THBS1: variants seen among roughly 807,000 people sequenced by gnomAD.
The protein encoded by THBS1 is thrombospondin-1.
THBS1 carries 29 observed loss-of-function variants against 126.1 expected under a neutral mutation model. The ratio of observed to expected loss-of-function variants is 0.23; its 90% CI spans 0.17 to 0.31. THBS1 has a LOEUF of 0.31. THBS1 is among the 10% of genes least tolerant of loss of function. The pLI is 1.00. For missense variants in THBS1, 1,198 were observed against 1,545.2 expected (o/e 0.78, Z 3.77); for synonymous variants, 496 against 577.8 (o/e 0.86, Z 2.03).
rs774236342 is a variant in THBS1, at chr15:39,594,450, A to G, written c.3505+10A>G. On this transcript the variant is annotated intron_variant, in intron 21 of 21. Transcript: ENST00000260356. The surrounding 1 kb of genome is among the most constrained non-coding windows in gnomAD (Gnocchi z 4.4). ...AAATACGAATGTAGAGGTAAGAGCA[A>G]CATCACCATGAATGTACACTGGACA... 16 of 1,613,326 alleles carry G rather than the reference A, an allele frequency of 9.9e-6. No homozygotes were observed. The highest frequency in any genetic ancestry group is 1.4e-5 in the Non-Finnish European group (16 of 1,179,696).
chr15:39,587,894 C>T, intron 8 of THBS1, 148 bp from the exon 9 acceptor site: 1 of 716,310 alleles, frequency 1.4e-6, no homozygotes. Context: ...GACATTTGGG[C>T]ATGTGGCCAG....
At chr15:39,583,834 G>A in intron 4 of THBS1, 142 bp downstream of exon 4, 1 of 1,185,910 alleles carries the variant, frequency 8.4e-7, no homozygotes, top group South Asian at 1.4e-5. Flanking sequence ...GACTCCAAGG[G>A]GTATTATACA....
rs1348104956 is a variant in THBS1, at chr15:39,595,780, C to T, written c.*411C>T. 3 of 466,332 alleles carry T rather than the reference C, an allele frequency of 6.4e-6. No homozygotes were observed. The highest frequency in any genetic ancestry group is 1.3e-4 in the East Asian group (2 of 14,978). The allele number at this position is 466,332 out of a possible 1,614,324, so 28.9% of individuals were successfully genotyped here. ...GACTCACTAGAATTAGCAAACAAAA[C>T]CACCCTGACATCCTCCTTCAGGAAC... On this transcript the variant is annotated 3_prime_UTR_variant, in exon 22 of 22. Transcript: ENST00000260356.
chr15:39,593,154 C>A lies in THBS1; in HGVS notation c.2922C>A (p.Asp974Glu). 2.5e-6 allele frequency: 4 copies of A among 1,606,028 alleles called. No individual in the cohort carries two copies. The highest frequency in any genetic ancestry group is 3.4e-6 in the Non-Finnish European group (4 of 1,176,928). ...ACCCCAAAGGGACATCCCAAAATGACCCTAACTGGGTTGTACGCCATCAGG... is the reference window on the plus strand; with the variant it reads ...ACCCCAAAGGGACATCCCAAAATGAACCTAACTGGGTTGTACGCCATCAGG... ...PLDPKGTSQN[D>E]PNWVVRHQGK... Residue 974 changes from aspartate (D) to glutamate (E), a missense_variant, in exon 18 of 22, where the codon GAC becomes GAA. Asp to Glu is a conservative substitution (Grantham distance 45, BLOSUM62 2). This residue lies in a region of THBS1 where 255 missense variants were observed against 373.9 expected (regional missense o/e 0.68). Transcript: ENST00000260356. The surrounding 1 kb of genome is among the most constrained non-coding windows in gnomAD (Gnocchi z 5.9).
chr15:39,585,857 C>T (rs1020298341), intron 7 of THBS1, among the ~76,000 whole-genome samples: 1 of 152,206 alleles, frequency 6.6e-6, no homozygotes, highest in Non-Finnish European at 1.5e-5. Context: ...GTGGCAGCAA[C>T]AGCTCTAAGT....
At position 39,593,579 on chromosome 15, in the gene THBS1, G is replaced by T; in HGVS notation, c.3178G>T (p.Gly1060Cys). The T allele has an allele frequency of 6.2e-7, 1 of 1,614,186 alleles. No individual in the cohort carries two copies. Among genetic ancestry groups the T allele is most frequent in the Non-Finnish European group, 8.5e-7 (1 of 1,180,024 alleles). ...CCCCACGAGGGCTCAGGGATACTCGGGCCTTTCTGTGAAAGTTGTAAACTC... is the reference window on the plus strand; with the variant it reads ...CCCCACGAGGGCTCAGGGATACTCGTGCCTTTCTGTGAAAGTTGTAAACTC... The part of the protein sequence containing the change: ...TNPTRAQGYS[G>C]LSVKVVNSTT... Residue 1060 changes from glycine (G) to cysteine (C), a missense_variant, in exon 19 of 22, where the codon GGC becomes TGC. By Grantham distance (159) the Gly-to-Cys change is radical. Transcript: ENST00000260356. The surrounding 1 kb of genome is among the most constrained non-coding windows in gnomAD (Gnocchi z 5.9).
Position 39,593,265 on chromosome 15 carries a change from A to G in THBS1, c.2995+38A>G, listed in dbSNP as rs766266519. The G allele has an allele frequency of 6.2e-7, 1 of 1,610,716 alleles. No individual in the cohort carries two copies. Among genetic ancestry groups the G allele is most frequent in the African/African-American group, 1.3e-5 (1 of 74,974 alleles). On this transcript the variant is annotated intron_variant, in intron 18 of 21. Transcript: ENST00000260356. This position sits in a 1 kb window ranked among gnomAD's most constrained non-coding sequence, Gnocchi z 5.9. ...TTCTTAGATCCTAAGAGACTGATGC[A>G]TACATGGGGAAAAACAAATATAAAA...
rs754855572 is a variant in THBS1, at chr15:39,588,726, G to A, written c.1645+27G>A. ...TGAGCCACGCAGCCCAGGATGAAAC[G>A]ACCCAGGAGCTTTGCTCTTTTACTG... is the stretch of plus-strand genomic sequence containing the variant. On this transcript the variant is annotated intron_variant, in intron 10 of 21. Coordinates refer to ENST00000260356, the MANE Select transcript of THBS1 (RefSeq NM_003246.4). The A allele has an allele frequency of 5.6e-5, 87 of 1,551,926 alleles. No individual in the cohort carries two copies. The Admixed American group carries it at 9.7e-4, about 17-fold the overall frequency.
In THBS1 at chr15:39,589,396, G is replaced by A; in HGVS notation, c.1926+42G>A. 1 of 1,603,974 alleles carries A rather than the reference G, an allele frequency of 6.2e-7. No individual in the cohort carries two copies. The highest frequency in any genetic ancestry group is 8.5e-7 in the Non-Finnish European group (1 of 1,174,562). On this transcript the variant is annotated intron_variant, in intron 12 of 21. Transcript: ENST00000260356. The surrounding 1 kb of genome is among the most constrained non-coding windows in gnomAD (Gnocchi z 4.7). ...GAGTAAACCAGAGGACAGGAGAGCT[G>A]TCCTTGACCAAAATAACTGGGAGCG...
chr15:39,592,973 G>A lies in THBS1; in HGVS notation c.2768-27G>A. ...AATAATAATAGCACTTTAGAATTTT[G>A]CTGAACTCTTGCTTTTTTGACCTCA... is the stretch of plus-strand genomic sequence containing the variant. On this transcript the variant is annotated intron_variant, in intron 17 of 21. Coordinates refer to ENST00000260356, the MANE Select transcript of THBS1 (RefSeq NM_003246.4). The surrounding 1 kb of genome is among the most constrained non-coding windows in gnomAD (Gnocchi z 4.3). The A allele has an allele frequency of 6.2e-7, 1 of 1,608,792 alleles. No individual in the cohort carries two copies. The highest frequency in any genetic ancestry group is 8.5e-7 in the Non-Finnish European group (1 of 1,177,648).
Position 39,581,891 on chromosome 15 carries a change from C to T in THBS1, c.34C>T (p.Leu12=), listed in dbSNP as rs35248254. The T allele has an allele frequency of 2.3e-3, 3,760 of 1,614,090 alleles. 74 individuals are homozygous for T. In the African/African-American group the frequency reaches 0.044, roughly 19 times the overall value. The change falls in exon 2 of 22, where the codon CTG becomes TTG. Residue 12 remains leucine, a synonymous_variant. Transcript: ENST00000260356. ...GGCCTGGGGACTAGGCGTCCTGTTC[C>T]TGATGCATGTGTGTGGCACCAACCG... ...GLAWGLGVLF[L]MHVCGTNRIP... is the part of the protein sequence containing the mutation.
Position 39,595,517 on chromosome 15 carries a change from C to T in THBS1, c.*148C>T, listed in dbSNP as rs113742788. 1,830 of 1,027,382 alleles carry T rather than the reference C, an allele frequency of 1.8e-3. 12 individuals carry two copies. The highest frequency in any genetic ancestry group is 0.014 in the East Asian group (544 of 38,290). 63.6% of individuals were successfully genotyped at this position (1,027,382 alleles called of 1,614,324 possible). ...CATCAGTGTGGACTCCTAGAACGTGCGACCTGCCTCAAGAAAATGCAGTTT... is the reference window on the plus strand; with the variant it reads ...CATCAGTGTGGACTCCTAGAACGTGTGACCTGCCTCAAGAAAATGCAGTTT... On this transcript the variant is annotated 3_prime_UTR_variant, in exon 22 of 22. Coordinates refer to ENST00000260356, the MANE Select transcript of THBS1 (RefSeq NM_003246.4).
chr15:39,582,760 T>G lies in THBS1; in HGVS notation c.627+8T>G. The G allele has an allele frequency of 6.3e-7, 1 of 1,598,574 alleles. No individual in the cohort carries two copies. Among genetic ancestry groups the G allele is most frequent in the Non-Finnish European group, 8.5e-7 (1 of 1,173,290 alleles). On this transcript the variant is annotated splice_region_variant and intron_variant, in intron 3 of 21. Transcript: ENST00000260356. ...GTCAATGACAATTTCCAGGTGAGGCTTCTTCTCTGAGCCCTGCTCCGTGGG... is the reference window on the plus strand; with the variant it reads ...GTCAATGACAATTTCCAGGTGAGGCGTCTTCTCTGAGCCCTGCTCCGTGGG...
intron 4 of THBS1, 46 bp from the exon 5 acceptor site, chr15:39,583,942 G>T (rs1172209541): frequency 6.2e-7 from 1 of 1,604,154 alleles, no homozygotes; most frequent in Admixed American, 1.7e-5. Context: ...CAAGAGGCTG[G>T]TTGGTAAGAG....
rs562762943 is a variant in THBS1 at position 39,599,466 on chromosome 15, T to G, written c.*4097T>G. 6.6e-6 allele frequency: 1 copy of G among 152,296 alleles called. No individual in the cohort carries two copies. The highest frequency in any genetic ancestry group is 1.9e-4 in the East Asian group (1 of 5,188). 9.4% of individuals were successfully genotyped at this position (152,296 alleles called of 1,614,324 possible). ...TGCAGTGCAAGTCTAGAAATAATTTTACTCTGTGTTTCTTTCTGTCTCCCT... is the reference window on the plus strand; with the variant it reads ...TGCAGTGCAAGTCTAGAAATAATTTGACTCTGTGTTTCTTTCTGTCTCCCT... On this transcript the variant is annotated 3_prime_UTR_variant, in exon 22 of 22. Transcript: ENST00000260356.
At chr15:39,581,967 G>C (rs373856086) in intron 2 of THBS1, 43 bp downstream of exon 2, 6 of 1,606,138 alleles carry the variant, frequency 3.7e-6, no homozygotes, top group Admixed American at 1.7e-5. Context: ...GGACAAGGAA[G>C]AGGTGCTGGC....
chr15:39,589,837 G>A lies in THBS1; in HGVS notation c.1959G>A (p.Gly653=). ...VCKPRNPCTD[G]THDCNKNAKC... is the part of the protein sequence containing the mutation. ...AGCCCCGTAACCCCTGCACGGATGG[G>A]ACCCACGACTGCAACAAGAACGCCA... The change falls in exon 13 of 22, where the codon GGG becomes GGA. Residue 653 remains glycine (G), a synonymous_variant. Coordinates refer to ENST00000260356, the MANE Select transcript of THBS1 (RefSeq NM_003246.4). The surrounding 1 kb of genome is among the most constrained non-coding windows in gnomAD (Gnocchi z 4.7). 1 of 1,613,924 alleles carries A rather than the reference G, an allele frequency of 6.2e-7. No homozygotes were observed. The highest frequency in any genetic ancestry group is 8.5e-7 in the Non-Finnish European group (1 of 1,179,912).
intron 7 of THBS1, among the ~76,000 whole-genome samples, chr15:39,586,219 C>G (rs1485483719): frequency 1.3e-5 from 2 of 152,190 alleles, no homozygotes; most frequent in Non-Finnish European, 2.9e-5. Context: ...CCTTCACACA[C>G]ACAGAAACAC....
chr15:39,587,563 C>T (rs541252720), intron 8 of THBS1, 43 bp downstream of exon 8: 4 of 1,559,336 alleles, frequency 2.6e-6, no homozygotes, highest in Middle Eastern at 3.4e-4. Context: ...ACTGACCTGT[C>T]CTTGTTGTCG....
Sources: allele counts gnomAD v4.1 joint callset (sites outside exome capture counted in the v4.1 genomes callset), GRCh38; gene constraint gnomAD v4.1.1; regional missense constraint gnomAD v4.1.1; non-coding constraint Gnocchi (gnomAD v3.1); transcripts MANE v1.5; gene names NCBI Gene and HGNC (gene_info 2026-07-23, HGNC 2026-07-21).